Variants in KCNQ1 observed in about 807,000 individuals in gnomAD.
The protein encoded by KCNQ1 is potassium voltage-gated channel subfamily Q member 1.
In KCNQ1, 49 loss-of-function variants were observed where a neutral mutation model predicts 72.4. That is an observed-to-expected ratio of 0.68 (90% CI 0.54 to 0.86). KCNQ1 has a LOEUF of 0.86. Among genes scored for constraint, KCNQ1 ranks in the 40% least tolerant of loss-of-function variants. The pLI is 0.00. For missense variants in KCNQ1, 790 were observed against 945.1 expected (o/e 0.84, Z 2.15); for synonymous variants, 450 against 412.6 (o/e 1.09, Z -1.10).
At position 2,817,119 on chromosome 11, in the gene KCNQ1, C is replaced by T. The variant is rs1397188653; in HGVS notation, c.1795-30648C>T. On this transcript the variant is annotated intron_variant, in intron 15 of 15. Coordinates refer to ENST00000155840, the MANE Select transcript of KCNQ1 (RefSeq NM_000218.3). The surrounding 1 kb of genome is among the most constrained non-coding windows in gnomAD (Gnocchi z 6.1). ...CGACCCATGACCCAGGCCTGTGGCG[C>T]CAGCCTGCACCCGGCTCTGCTCCAC... Among the ~76,000 whole-genome samples the T allele has an allele frequency of 6.6e-6, 1 of 152,168 alleles. No individual in the cohort carries two copies. The highest frequency in any genetic ancestry group is 1.9e-4 in the East Asian group (1 of 5,176).
At chr11:2,619,988 A>G in intron 10 of KCNQ1, 1 of 398,326 alleles carries the variant, frequency 2.5e-6, no homozygotes, top group South Asian at 1.3e-4. Flanking sequence ...CATAGTACCC[A>G]ATAGGTAGGT....
chr11:2,654,994 C>G lies in KCNQ1; in HGVS notation c.1394-6967C>G, dbSNP rs1487433664. ...AAAGTATCATGCAAAATAGAAAACACAGACACAATAAGGAAGGAAATGAAA... is the reference window on the plus strand; with the variant it reads ...AAAGTATCATGCAAAATAGAAAACAGAGACACAATAAGGAAGGAAATGAAA... On this transcript the variant is annotated intron_variant, in intron 10 of 15. Transcript: ENST00000155840. This position sits in a 1 kb window ranked among gnomAD's most constrained non-coding sequence, Gnocchi z 6.4. The G allele has an allele frequency of 2.5e-6, 1 of 398,510 alleles. No homozygotes were observed. Among genetic ancestry groups the G allele is most frequent in the Non-Finnish European group, 4.4e-6 (1 of 226,070 alleles). The allele number at this position is 398,510 out of a possible 1,614,324, so 24.7% of individuals were successfully genotyped here. A position where few individuals can be genotyped will look rare whatever the true frequency, so the allele number is the denominator to read the frequency against.
At chr11:2,459,125 G>A (rs558074340) in intron 1 of KCNQ1, among the ~76,000 whole-genome samples, 4 of 152,304 alleles carry the variant, frequency 2.6e-5, no homozygotes, top group African/African-American at 7.2e-5. Flanking sequence ...ACAGACCAGA[G>A]TTTGCACCCA....
chr11:2,604,250 G>C (rs1420261300), intron 10 of KCNQ1, among the ~76,000 whole-genome samples: 2 of 151,698 alleles, frequency 1.3e-5, no homozygotes, highest in East Asian at 4.1e-4. Flanking sequence ...GGCCAAGGCA[G>C]GTGGATCACC....
intron 10 of KCNQ1, chr11:2,641,158 A>G (rs998848025): frequency 5.0e-6 from 2 of 398,372 alleles, no homozygotes; most frequent in African/African-American, 4.1e-5. Context: ...TAGTATACTG[A>G]TATCTTTTCC....
rs964468326 is a variant in KCNQ1 at position 2,650,428 on chromosome 11, G to A, written c.1394-11533G>A. Reference sequence around the variant, plus strand: ...CTTAGTAAGGACTTTTCCTGTACACGCGTCTGTAGTATCATTTGGGTAGGG... The same window carrying A: ...CTTAGTAAGGACTTTTCCTGTACACACGTCTGTAGTATCATTTGGGTAGGG... On this transcript the variant is annotated intron_variant, in intron 10 of 15. Coordinates refer to ENST00000155840, the MANE Select transcript of KCNQ1 (RefSeq NM_000218.3). 1.0e-4 allele frequency: 41 copies of A among 398,348 alleles called. No homozygotes were observed. In the East Asian group the frequency reaches 1.3e-3, roughly 13 times the overall value. 24.7% of individuals were successfully genotyped at this position (398,348 alleles called of 1,614,324 possible).
At chr11:2,840,498 G>C (rs979745525) in intron 15 of KCNQ1, 2 of 148,622 alleles carry the variant, frequency 1.3e-5, no homozygotes. Context: ...AAAGATTTAG[G>C]GGGTAAAACA....
chr11:2,799,401 T>TGG (rs34556277), intron 15 of KCNQ1, among the ~76,000 whole-genome samples: 3 of 149,760 alleles, frequency 2.0e-5, no homozygotes, highest in African/African-American at 7.4e-5. Flanking sequence ...TGTGTGTGTG[T>TGG]GGTGTGGTGT....
chr11:2,750,930 C>A lies in KCNQ1; in HGVS notation c.1515-17914C>A, dbSNP rs1309436600. Among the ~76,000 whole-genome samples the A allele has an allele frequency of 6.6e-6, 1 of 152,204 alleles. No homozygotes were observed. Among genetic ancestry groups the A allele is most frequent in the African/African-American group, 2.4e-5 (1 of 41,442 alleles). On this transcript the variant is annotated intron_variant, in intron 11 of 15. Transcript: ENST00000155840. This position sits in a 1 kb window ranked among gnomAD's most constrained non-coding sequence, Gnocchi z 6.3. ...GGTCCTCCCCAGCTGCCTGCCTACA[C>A]CCCAACCTCGAGGCTCTTTACCTCT...
At chr11:2,799,119 G>A (rs1847205927) in intron 15 of KCNQ1, among the ~76,000 whole-genome samples, 1 of 152,248 alleles carries the variant, frequency 6.6e-6, no homozygotes, top group South Asian at 2.1e-4. Context: ...GAGGGGCAAA[G>A]CAAAGGACCT....
chr11:2,813,313 G>A lies in KCNQ1; in HGVS notation c.1795-34454G>A, dbSNP rs1351923180. Among the ~76,000 whole-genome samples the A allele has an allele frequency of 6.6e-6, 1 of 152,150 alleles. No individual in the cohort carries two copies. Among genetic ancestry groups the A allele is most frequent in the Non-Finnish European group, 1.5e-5 (1 of 68,034 alleles). On this transcript the variant is annotated intron_variant, in intron 15 of 15. Transcript: ENST00000155840. This position sits in a 1 kb window ranked among gnomAD's most constrained non-coding sequence, Gnocchi z 4.4. ...CCTCTGATGCCCAGGGCTCATTCAAGGGCATCTGCCCTGTGTCCTCATGCA... is the reference window on the plus strand; with the variant it reads ...CCTCTGATGCCCAGGGCTCATTCAAAGGCATCTGCCCTGTGTCCTCATGCA...
At chr11:2,702,917 C>T (rs961689198) in intron 11 of KCNQ1, among the ~76,000 whole-genome samples, 6 of 152,212 alleles carry the variant, frequency 3.9e-5, no homozygotes, top group South Asian at 2.1e-4. Context: ...CAGCCAGCGC[C>T]GCCTGCCAGC....
intron 11 of KCNQ1, among the ~76,000 whole-genome samples, chr11:2,733,846 T>TCG (rs1447316854): frequency 0.15 from 7,699 of 52,234 alleles, 668 homozygotes; most frequent in African/African-American, 0.19. Context: ...TCTCTCTCTC[T>TCG]CTCTCTCTCT....
chr11:2,786,908 T>A (rs1344247804), intron 15 of KCNQ1, among the ~76,000 whole-genome samples: 1 of 151,978 alleles, frequency 6.6e-6, no homozygotes, highest in Non-Finnish European at 1.5e-5. Flanking sequence ...TTTGATTTTT[T>A]CTTCTGCTGA....
chr11:2,702,503 A>G (rs965930726), intron 11 of KCNQ1, among the ~76,000 whole-genome samples: 5 of 152,230 alleles, frequency 3.3e-5, no homozygotes, highest in African/African-American at 1.2e-4. Flanking sequence ...ACTGATTTGT[A>G]AAGTCATGAA....
In KCNQ1 at chr11:2,450,025, C is replaced by T. The variant is rs191667626; in HGVS notation, c.386+4541C>T. On this transcript the variant is annotated intron_variant, in intron 1 of 15. Transcript: ENST00000155840. The surrounding 1 kb of genome is among the most constrained non-coding windows in gnomAD (Gnocchi z 7.9). ...CCTGTAGCCAAGGTGCAGATGCACA[C>T]GTCCTGGTCCTGAGCCCCTGCTCGG... Among the ~76,000 whole-genome samples, 57 of 152,324 alleles carry T rather than the reference C, an allele frequency of 3.7e-4. No homozygotes were observed. The highest frequency in any genetic ancestry group is 9.1e-4 in the African/African-American group (38 of 41,564).
intron 10 of KCNQ1, chr11:2,615,999 A>G (rs966514586): frequency 7.5e-6 from 3 of 397,952 alleles, no homozygotes; most frequent in Non-Finnish European, 1.3e-5. Context: ...CATTTTCTTC[A>G]TTGGAAGGTT....
At chr11:2,706,045 G>C (rs748484221) in intron 11 of KCNQ1, among the ~76,000 whole-genome samples, 1 of 152,212 alleles carries the variant, frequency 6.6e-6, no homozygotes, top group Non-Finnish European at 1.5e-5. Flanking sequence ...GGAGGAAAAA[G>C]ACAAGAATGG....
chr11:2,629,359 A>G (rs1225530656), intron 10 of KCNQ1: 1 of 398,136 alleles, frequency 2.5e-6, no homozygotes, highest in Non-Finnish European at 4.4e-6. Flanking sequence ...TCTATTTTTT[A>G]TTTTATCTGT....
Sources: gnomAD v4.1 joint callset for allele counts (sites outside exome capture counted in the v4.1 genomes callset) on GRCh38, gnomAD v4.1.1 for gene constraint, Gnocchi (gnomAD v3.1) non-coding constraint, MANE v1.5 for transcripts, NCBI Gene and HGNC (gene_info 2026-07-23, HGNC 2026-07-21) for gene names.